ATP2C2: variants seen among roughly 807,000 people sequenced by gnomAD.
The protein encoded by ATP2C2 is calcium-transporting ATPase type 2C member 2.
Under a neutral mutation model 110.8 loss-of-function variants are expected in ATP2C2, and 171 were observed. The ratio of observed to expected loss-of-function variants is 1.54; its 90% confidence interval spans 1.36 to 1.75. The LOEUF (loss-of-function observed/expected upper bound fraction) is 1.75, where lower values mean the gene tolerates loss of function less well. Among genes scored for constraint, ATP2C2 ranks in the 40% most tolerant of loss-of-function variants. The probability of loss-of-function intolerance (pLI) is 0.00; values close to 1 mark genes in which losing one functional copy is unlikely to be tolerated. For missense variants in ATP2C2, 1,963 were observed against 1,235.0 expected, an observed-to-expected ratio of 1.59 and a Z score of -8.84; for synonymous variants, 804 against 508.4, an observed-to-expected ratio of 1.58 and a Z score of -7.82.
At chr16:84,412,278 G>A (rs79005832) in intron 6 of ATP2C2, among the ~76,000 whole-genome samples, 7,929 of 101,436 alleles carry the variant, frequency 0.078, 244 homozygotes, top group South Asian at 0.11. Context: ...ATGTGTGTAC[G>A]TGTGTGCACG....
chr16:84,428,349 G>A (rs1907969261), intron 11 of ATP2C2, among the ~76,000 whole-genome samples: 1 of 152,202 alleles, frequency 6.6e-6, no homozygotes, highest in East Asian at 1.9e-4. Context: ...TTTTTTCAAC[G>A]ACACTGCATG....
rs1333623062 is a variant in ATP2C2, at chr16:84,415,548, T to C, written c.581T>C (p.Leu194Pro). The change falls in exon 7 of 27, where the codon CTC becomes CCC. Residue 194 changes from leucine to proline, a missense_variant. By Grantham distance (98) the Leu-to-Pro change is moderately conservative (BLOSUM62 -3). Transcript: ENST00000262429. The stretch of plus-strand genomic sequence containing the variant: ...CTGGTTCCTGGTGATGTCGTATCTC[T>C]CTCGATCGGAGACCGGATCCCTGCA... ...RELVPGDVVS[L>P]SIGDRIPADI... is the part of the protein sequence containing the mutation. 7.4e-6 allele frequency: 12 copies of C among 1,614,018 alleles called. No individual in the cohort carries two copies. The highest frequency in any genetic ancestry group is 1.3e-5 in the African/African-American group (1 of 74,920).
At chr16:84,435,075 G>A (rs1228244358) in intron 11 of ATP2C2, among the ~76,000 whole-genome samples, 1 of 152,192 alleles carries the variant, frequency 6.6e-6, no homozygotes, top group Non-Finnish European at 1.5e-5. Flanking sequence ...CTGTTGTATT[G>A]TCCCTGGGTG....
At chr16:84,460,346 T>TTG (rs1280261036) in intron 23 of ATP2C2, 8 of 380,028 alleles carry the variant, frequency 2.1e-5, no homozygotes, top group African/African-American at 1.3e-4. Context: ...AGGCGCAACG[T>TTG]TGGGGGGGGT....
Position 84,425,732 on chromosome 16 carries a change from C to A in ATP2C2, c.920-3C>A. On this transcript the variant is annotated splice_polypyrimidine_tract_variant and splice_region_variant and intron_variant, in intron 10 of 26. Coordinates refer to ENST00000262429, the MANE Select transcript of ATP2C2 (RefSeq NM_014861.4). ...GATAAGGATGTTTTTGTCTCTTCCC[C>A]AGGTCTCATCATGCTCATTGGCTGG... 1.2e-6 allele frequency: 2 copies of A among 1,614,006 alleles called. No homozygotes were observed. The highest frequency in any genetic ancestry group is 1.7e-6 in the Non-Finnish European group (2 of 1,179,940).
At chr16:84,452,797 C>T (rs1385726685) in intron 18 of ATP2C2, among the ~76,000 whole-genome samples, 2 of 152,158 alleles carry the variant, frequency 1.3e-5, no homozygotes, top group African/African-American at 2.4e-5. Flanking sequence ...CTGCGCCCAG[C>T]CCCTCTAGTT....
chr16:84,446,124 C>G lies in ATP2C2; in HGVS notation c.1402-205C>G, dbSNP rs867344697. On this transcript the variant is annotated intron_variant, in intron 15 of 26. Transcript: ENST00000262429. ...GAAGCTGTTGCAAAGACCGTCTTGT[C>G]TGCCCTTCAGCCAAGAGAAGAGACT... is the stretch of plus-strand genomic sequence containing the variant. Among the ~76,000 whole-genome samples, 7 of 151,772 alleles carry G rather than the reference C, an allele frequency of 4.6e-5. No individual in the cohort carries two copies. The Middle Eastern group carries it at 0.017, about 369-fold the overall frequency.
chr16:84,381,903 C>A (rs12445007), intron 1 of ATP2C2, among the ~76,000 whole-genome samples: 6 of 152,188 alleles, frequency 3.9e-5, no homozygotes, highest in Admixed American at 3.9e-4. Context: ...TCACACAGCT[C>A]TTCATGGAAT....
intron 11 of ATP2C2, among the ~76,000 whole-genome samples, chr16:84,435,756 G>T (rs961197556): frequency 1.3e-5 from 2 of 152,060 alleles, no homozygotes; most frequent in Non-Finnish European, 1.5e-5. Context: ...GAGTCCAGGA[G>T]GTCAAGGCTG....
Position 84,453,212 on chromosome 16 carries a change from G to A in ATP2C2, c.1906G>A (p.Glu636Lys), listed in dbSNP as rs375405912. 192 of 1,613,856 alleles carry A rather than the reference G, an allele frequency of 1.2e-4. No homozygotes were observed. Among genetic ancestry groups the A allele is most frequent in the Non-Finnish European group, 1.5e-4 (178 of 1,179,792 alleles). Residue 636 changes from glutamate (E) to lysine (K), a missense_variant, in exon 19 of 27, where the codon GAG (glutamate) becomes AAG (lysine). Transcript: ENST00000262429. ...GGAGGTGGACAGCGTGGAGAAGGGC[G>A]AGCTGGCCGACCGCGTGGGGAAGGT... ...GEEVDSVEKG[E>K]LADRVGKVSV... is the part of the protein sequence containing the mutation.
chr16:84,399,060 C>G (rs970443897), intron 2 of ATP2C2, among the ~76,000 whole-genome samples: 1 of 152,212 alleles, frequency 6.6e-6, no homozygotes, highest in African/African-American at 2.4e-5. Context: ...GGTACTAAAA[C>G]CAAATTCTCC....
At chr16:84,460,828 C>T (rs759717183) in intron 24 of ATP2C2, 27 bp downstream of exon 24, 4 of 1,594,846 alleles carry the variant, frequency 2.5e-6, no homozygotes, top group Non-Finnish European at 2.6e-6. Context: ...CCGGCCTGTT[C>T]TCCAAGCCCT....
chr16:84,440,865 A>T lies in ATP2C2; in HGVS notation c.1218A>T (p.Gly406=). 1 of 1,612,942 alleles carries T rather than the reference A, an allele frequency of 6.2e-7. No homozygotes were observed. The highest frequency in any genetic ancestry group is 8.5e-7 in the Non-Finnish European group (1 of 1,179,670). The part of the protein sequence containing the change: ...TSDGLRAEVS[G]VGYDGQGTVC... ...TCTGCCTCGCCCTGCAGGTCAGCGG[A>T]GTTGGGTATGACGGTCAAGGGACTG... The change falls in exon 14 of 27, where the codon GGA becomes GGT. Residue 406 remains glycine (G), a synonymous_variant. Transcript: ENST00000262429.
At chr16:84,448,205 G>A (rs903923969) in intron 16 of ATP2C2, among the ~76,000 whole-genome samples, 1 of 152,130 alleles carries the variant, frequency 6.6e-6, no homozygotes, top group African/African-American at 2.4e-5. Context: ...CACCCCCAAA[G>A]GCACAGTCCC....
At chr16:84,415,696 C>G in intron 7 of ATP2C2, 105 bp downstream of exon 7, 1 of 870,444 alleles carries the variant, frequency 1.1e-6, no homozygotes, top group African/African-American at 1.7e-5. Context: ...TACACACATG[C>G]TCAAACATAC....
intron 1 of ATP2C2, among the ~76,000 whole-genome samples, chr16:84,382,101 C>T (rs1910610033): frequency 6.6e-6 from 1 of 152,190 alleles, no homozygotes; most frequent in South Asian, 2.1e-4. Flanking sequence ...CCATCATCTA[C>T]ATTAGTTATT....
intron 20 of ATP2C2, 73 bp downstream of exon 20, chr16:84,453,444 T>G: frequency 6.3e-7 from 1 of 1,587,430 alleles, no homozygotes; most frequent in South Asian, 1.1e-5. Flanking sequence ...GAGGAGCTCA[T>G]GCGTCCGTCG....
intron 1 of ATP2C2, among the ~76,000 whole-genome samples, chr16:84,386,737 T>C (rs1159184558): frequency 6.6e-6 from 1 of 151,956 alleles, no homozygotes; most frequent in Non-Finnish European, 1.5e-5. Flanking sequence ...CTCACATCAA[T>C]GCTAGGTGCG....
intron 1 of ATP2C2, among the ~76,000 whole-genome samples, chr16:84,379,235 G>A (rs989361188): frequency 1.4e-4 from 21 of 149,982 alleles, no homozygotes; most frequent in African/African-American, 4.7e-4. Context: ...AGGCTGGAGT[G>A]CAGTGGCGCA....
Sources: gnomAD v4.1 joint callset for allele counts (sites outside exome capture counted in the v4.1 genomes callset) on GRCh38, gnomAD v4.1.1 for gene constraint, MANE v1.5 for transcripts, NCBI Gene and HGNC (gene_info 2026-07-23, HGNC 2026-07-21) for gene names.